PRKG1: variants seen among roughly 807,000 people sequenced by gnomAD.
PRKG1 encodes the protein cGMP-dependent protein kinase 1.
Under a neutral mutation model 88.1 loss-of-function variants are expected in PRKG1, and 35 were observed. That is an observed-to-expected ratio of 0.40 (90% CI 0.30 to 0.53). The LOEUF (loss-of-function observed/expected upper bound fraction) is 0.53. PRKG1 is among the 20% of genes least tolerant of loss of function. The probability of loss-of-function intolerance (pLI) is 0.59; values close to 1 mark genes in which losing one functional copy is unlikely to be tolerated. For missense variants in PRKG1, 540 were observed against 839.8 expected, an observed-to-expected ratio of 0.64 and a Z score of 4.41; for synonymous variants, 303 against 292.5, an observed-to-expected ratio of 1.04 and a Z score of -0.37.
At chr10:51,787,929 T>C (rs1838768906) in intron 3 of PRKG1, among the ~76,000 whole-genome samples, 1 of 152,102 alleles carries the variant, frequency 6.6e-6, no homozygotes, top group Non-Finnish European at 1.5e-5. Context: ...AACTGGAATT[T>C]GATGGAAGGA....
chr10:51,417,977 C>T (rs10822952), intron 2 of PRKG1, among the ~76,000 whole-genome samples: 14,716 of 152,152 alleles, frequency 0.097, 926 homozygotes, highest in Admixed American at 0.2. Context: ...TTACGTTAAC[C>T]TCCCCGCTCC....
chr10:51,752,631 A>G (rs1358342501), intron 3 of PRKG1, among the ~76,000 whole-genome samples: 1 of 152,162 alleles, frequency 6.6e-6, no homozygotes, highest in Non-Finnish European at 1.5e-5. Context: ...ATGCAGATGA[A>G]CATTTAACCA....
intron 1 of PRKG1, among the ~76,000 whole-genome samples, chr10:51,114,124 T>C (rs1392189971): frequency 6.6e-6 from 1 of 152,184 alleles, no homozygotes. Context: ...CTTCTGTTCC[T>C]TGTTGTCTTT....
chr10:51,743,577 C>A (rs1402275583), intron 3 of PRKG1, among the ~76,000 whole-genome samples: 1 of 149,492 alleles, frequency 6.7e-6, no homozygotes, highest in East Asian at 2.0e-4. Context: ...CTCCAAAAAT[C>A]ATTTTTCTCT....
intron 2 of PRKG1, among the ~76,000 whole-genome samples, chr10:51,294,039 C>A (rs1045774311): frequency 6.6e-6 from 1 of 152,056 alleles, no homozygotes; most frequent in Non-Finnish European, 1.5e-5. Flanking sequence ...ACTGTCTATT[C>A]ATACCTTTTA....
chr10:51,931,446 C>T (rs187100506), intron 5 of PRKG1, among the ~76,000 whole-genome samples: 4 of 152,116 alleles, frequency 2.6e-5, no homozygotes, highest in East Asian at 1.9e-4. Context: ...AGACCCCCAT[C>T]GCTATAAAGA....
intron 2 of PRKG1, among the ~76,000 whole-genome samples, chr10:51,227,949 A>G (rs1267591875): frequency 6.6e-6 from 1 of 152,116 alleles, no homozygotes; most frequent in East Asian, 1.9e-4. Context: ...ATTCTACTTT[A>G]GAGCAACTCT....
intron 9 of PRKG1, among the ~76,000 whole-genome samples, chr10:52,227,088 A>C (rs1460803038): frequency 1.3e-5 from 2 of 152,192 alleles, no homozygotes; most frequent in African/African-American, 2.4e-5. Context: ...GATGTATTTT[A>C]ATTAATGAAT....
intron 10 of PRKG1, among the ~76,000 whole-genome samples, chr10:52,263,262 A>ATT (rs1841478673): frequency 2.6e-5 from 4 of 152,260 alleles, no homozygotes; most frequent in African/African-American, 9.6e-5. Context: ...TGTAAGTGAG[A>ATT]TAGTAAGCAC....
chr10:51,080,757 G>A (rs1335427851), intron 1 of PRKG1, among the ~76,000 whole-genome samples: 2 of 152,128 alleles, frequency 1.3e-5, no homozygotes, highest in African/African-American at 4.8e-5. Flanking sequence ...CCCCTTCCCC[G>A]ACAGCCCTTG....
chr10:51,620,026 G>T (rs1345743432), intron 3 of PRKG1, among the ~76,000 whole-genome samples: 1 of 152,034 alleles, frequency 6.6e-6, no homozygotes, highest in Non-Finnish European at 1.5e-5. Context: ...CCTGTAAGTT[G>T]GCAGACAACC....
chr10:51,184,339 A>G (rs1303586831), intron 2 of PRKG1, among the ~76,000 whole-genome samples: 2 of 152,192 alleles, frequency 1.3e-5, no homozygotes, highest in Admixed American at 6.5e-5. Flanking sequence ...CACTGCTATA[A>G]TTTAACAATT....
chr10:51,460,495 G>A (rs536334505), intron 2 of PRKG1, among the ~76,000 whole-genome samples: 35 of 152,206 alleles, frequency 2.3e-4, no homozygotes, highest in South Asian at 2.3e-3. Context: ...TTCAGCTCTC[G>A]TTTATTTAGG....
chr10:51,086,670 A>C (rs970530432), intron 1 of PRKG1, among the ~76,000 whole-genome samples: 1 of 152,218 alleles, frequency 6.6e-6, no homozygotes, highest in African/African-American at 2.4e-5. Context: ...AATATACCAA[A>C]TTTGGTGTGC....
chr10:51,768,883 A>T (rs1314442938), intron 3 of PRKG1, among the ~76,000 whole-genome samples: 2 of 152,162 alleles, frequency 1.3e-5, no homozygotes. Flanking sequence ...TCTCATAAAT[A>T]AAAAAATGAT....
intron 3 of PRKG1, among the ~76,000 whole-genome samples, chr10:51,578,054 G>A (rs2132180153): frequency 6.6e-6 from 1 of 152,138 alleles, no homozygotes; most frequent in Non-Finnish European, 1.5e-5. Context: ...ACAGTCCAGA[G>A]GCTTGTAAGT....
intron 2 of PRKG1, among the ~76,000 whole-genome samples, chr10:51,188,929 G>A (rs1412605099): frequency 6.6e-6 from 1 of 151,924 alleles, no homozygotes. Flanking sequence ...GAAGGAAGCA[G>A]AGTGTCTGCA....
chr10:51,992,316 T>C (rs1317672281), intron 5 of PRKG1, among the ~76,000 whole-genome samples: 3 of 152,144 alleles, frequency 2.0e-5, no homozygotes, highest in African/African-American at 4.8e-5. Context: ...CTCCTCTTCT[T>C]CACCTCCAAT....
chr10:52,220,499 ATTATT>A (rs1435361708), intron 9 of PRKG1, among the ~76,000 whole-genome samples: 1 of 151,952 alleles, frequency 6.6e-6, no homozygotes, highest in African/African-American at 2.4e-5. Context: ...TGTCGTACAG[ATTATT>A]TTGTCACCCA....
Sources: allele counts gnomAD v4.1 joint callset (sites outside exome capture counted in the v4.1 genomes callset), GRCh38; gene constraint gnomAD v4.1.1; transcripts MANE v1.5; gene names NCBI Gene and HGNC (gene_info 2026-07-23, HGNC 2026-07-21).